Variants in TMEM63B observed in about 807,000 individuals in gnomAD.
TMEM63B encodes the protein transmembrane protein 63B, also known as mechanosensitive cation channel TMEM63B.
TMEM63B carries 23 observed loss-of-function variants against 102.6 expected under a neutral mutation model. The ratio of observed to expected loss-of-function variants is 0.22; its 90% CI spans 0.16 to 0.32. The LOEUF is 0.32. TMEM63B is among the 10% of genes least tolerant of loss of function. The pLI is 1.00. For missense variants in TMEM63B, 628 were observed against 1,095.9 expected (o/e 0.57, Z 6.03); for synonymous variants, 444 against 437.0 (o/e 1.02, Z -0.20).
rs141127279 is a variant in TMEM63B at position 44,150,511 on chromosome 6, G to A, written c.1608-53G>A. On this transcript the variant is annotated intron_variant, in intron 17 of 23. Coordinates refer to ENST00000323267, the MANE Select transcript of TMEM63B (RefSeq NM_018426.3). This position sits in a 1 kb window ranked among gnomAD's most constrained non-coding sequence, Gnocchi z 4.7. ...ACAGAGGAGGGACTTCCCCTCCCCTGGTGTTCTGTACCACTCCAGCTCCCA... is the reference window on the plus strand; with the variant it reads ...ACAGAGGAGGGACTTCCCCTCCCCTAGTGTTCTGTACCACTCCAGCTCCCA... 6.9e-5 allele frequency: 110 copies of A among 1,598,668 alleles called. 1 individual carries two copies. The East Asian group carries it at 2.4e-3, about 35-fold the overall frequency.
At chr6:44,136,483 C>G (rs201591306) in intron 5 of TMEM63B, 44 bp downstream of exon 5, 214 of 1,358,444 alleles carry the variant, frequency 1.6e-4, no homozygotes, top group Non-Finnish European at 1.9e-4. Flanking sequence ...CACCCCACCC[C>G]CAGGGCACAT....
chr6:44,149,019 A>G, intron 15 of TMEM63B, 74 bp downstream of exon 15: 1 of 1,608,164 alleles, frequency 6.2e-7, no homozygotes, highest in Non-Finnish European at 8.5e-7. Context: ...TCCCTCTTCC[A>G]CTTGCCCAGC....
chr6:44,136,836 C>G (rs9349273), intron 5 of TMEM63B, among the ~76,000 whole-genome samples: 68,835 of 152,178 alleles, frequency 0.45, 16,731 homozygotes, highest in East Asian at 0.76. Flanking sequence ...CACGAGGTCA[C>G]TAGATGAGAC....
chr6:44,140,627 T>C (rs1378367639), intron 9 of TMEM63B: 2 of 594,236 alleles, frequency 3.4e-6, no homozygotes, highest in Admixed American at 5.0e-5. Flanking sequence ...AAAATAGCAG[T>C]GGCTGATCCT....
At position 44,136,451 on chromosome 6, in the gene TMEM63B, C is replaced by A. The variant is rs758191592; in HGVS notation, c.369+12C>A. The A allele has an allele frequency of 1.9e-6, 3 of 1,597,108 alleles. No homozygotes were observed. Among genetic ancestry groups the A allele is most frequent in the African/African-American group, 1.3e-5 (1 of 74,466 alleles). On this transcript the variant is annotated intron_variant, in intron 5 of 23. Coordinates refer to ENST00000323267, the MANE Select transcript of TMEM63B (RefSeq NM_018426.3). ...ACCAAAGGGACAATGTGAGTGCCCT[C>A]CCCCCAAACTTCTTAGTCCCCCACC...
chr6:44,132,370 T>C, intron 1 of TMEM63B: 1 of 978,226 alleles, frequency 1.0e-6, no homozygotes, highest in Non-Finnish European at 1.2e-6. Flanking sequence ...CAAAATGCTC[T>C]ACCTTTCTTT....
chr6:44,140,199 C>CT (rs1763947510), intron 8 of TMEM63B, 53 bp from the exon 9 acceptor site: 7 of 1,430,152 alleles, frequency 4.9e-6, no homozygotes, highest in Non-Finnish European at 6.9e-6. Flanking sequence ...GGTGTCTCCT[C>CT]TGAGTGTGTC....
At chr6:44,128,104 C>G (rs1412743261) in intron 1 of TMEM63B, among the ~76,000 whole-genome samples, 1 of 152,162 alleles carries the variant, frequency 6.6e-6, no homozygotes, top group East Asian at 1.9e-4. Context: ...ACCCCGGGGT[C>G]GCCAAGTCCG....
chr6:44,153,837 C>T lies in TMEM63B; in HGVS notation c.2104C>T (p.Arg702Cys), dbSNP rs367749788. Residue 702 changes from arginine to cysteine, a missense_variant, in exon 21 of 24, where the codon CGC becomes TGC. By Grantham distance (180) the Arg-to-Cys change is radical. Coordinates refer to ENST00000323267, the MANE Select transcript of TMEM63B (RefSeq NM_018426.3). Reference protein sequence around the residue: ...LFWLLFFSTMRTGFLAPTSMF... With the variant: ...LFWLLFFSTMCTGFLAPTSMF... The stretch of plus-strand genomic sequence containing the variant: ...CTGGCTGCTCTTCTTTTCCACCATG[C>T]GCACGGGTGAGGGATCCCTACCCAG... 1.2e-6 allele frequency: 2 copies of T among 1,613,228 alleles called. No homozygotes were observed. Among genetic ancestry groups the T allele is most frequent in the Non-Finnish European group, 1.7e-6 (2 of 1,179,540 alleles).
At chr6:44,140,568 A>C (rs1037367807) in intron 9 of TMEM63B, 1 of 665,906 alleles carries the variant, frequency 1.5e-6, no homozygotes, top group Admixed American at 2.1e-5. Flanking sequence ...ACCTCCCCCA[A>C]GGTTGTGGGG....
intron 1 of TMEM63B, among the ~76,000 whole-genome samples, chr6:44,128,353 CTGCGTTGGAGGG>C (rs1346986017): frequency 2.6e-5 from 4 of 152,228 alleles, no homozygotes; most frequent in Admixed American, 1.3e-4. Flanking sequence ...CCGCCCGGGC[CTGCGTTGGAGGG>C]TGCGGTGGGG....
intron 21 of TMEM63B, 111 bp from the exon 22 acceptor site, chr6:44,153,962 G>A (rs1767407410): frequency 1.3e-6 from 2 of 1,559,346 alleles, no homozygotes; most frequent in Non-Finnish European, 8.7e-7. Flanking sequence ...GAGAGGCTGG[G>A]GCCAGTCTGT....
In TMEM63B at chr6:44,140,354, T is replaced by C. The variant is rs781486617; in HGVS notation, c.705T>C (p.Asp235=). Residue 235 remains aspartate (D), a synonymous_variant, in exon 9 of 24, where the codon GAT becomes GAC. Transcript: ENST00000323267. ...RHTSKMRYKE[D]DLVKRTLFIN... ...CCTCCAAGATGCGCTACAAGGAGGA[T>C]GATCTGGTGCGTGGAGCAGAGCCCA... is the stretch of plus-strand genomic sequence containing the variant. The C allele has an allele frequency of 3.7e-5, 60 of 1,613,194 alleles. No homozygotes were observed. The highest frequency in any genetic ancestry group is 4.6e-5 in the Non-Finnish European group (54 of 1,179,436).
At chr6:44,153,574 G>T in intron 20 of TMEM63B, 102 bp from the exon 21 acceptor site, 1 of 1,413,164 alleles carries the variant, frequency 7.1e-7, no homozygotes, top group Non-Finnish European at 9.5e-7. Context: ...GGAGGAGGGG[G>T]CCAACCCTTC....
rs151033766 is a variant in TMEM63B, at chr6:44,149,987, C to T, written c.1520+22C>T. On this transcript the variant is annotated intron_variant, in intron 16 of 23. Coordinates refer to ENST00000323267, the MANE Select transcript of TMEM63B (RefSeq NM_018426.3). ...CACGGTAAGGTGCCTCCACTCACAC[C>T]ACACCTCGCTGTGGCCTGCCCTCAA... is the stretch of plus-strand genomic sequence containing the variant. 280 of 1,602,818 alleles carry T rather than the reference C, an allele frequency of 1.7e-4. 2 individuals are homozygous for T. In the African/African-American group the frequency reaches 3.5e-3, roughly 20 times the overall value.
chr6:44,147,622 C>A, intron 12 of TMEM63B, 122 bp downstream of exon 12: 1 of 1,393,988 alleles, frequency 7.2e-7, no homozygotes, highest in Non-Finnish European at 9.7e-7. Context: ...TCAGTTCCCA[C>A]TGTTGGGTTT....
intron 10 of TMEM63B, 52 bp from the exon 11 acceptor site, chr6:44,146,793 CAG>C: frequency 1.3e-6 from 2 of 1,568,742 alleles, no homozygotes; most frequent in African/African-American, 1.4e-5. Context: ...GGATGAAAGT[CAG>C]GGGCAGGTGG....
upstream of TMEM63B, chr6:44,127,535 C>T (rs1429397218): frequency 7.1e-6 from 1 of 140,498 alleles, no homozygotes; most frequent in Non-Finnish European, 1.6e-5. Flanking sequence ...CCCCTCCCTC[C>T]CCCCGCTCCC....
intron 6 of TMEM63B, chr6:44,138,739 C>CCCCCCCCCCCA: frequency 2.5e-6 from 1 of 400,180 alleles, no homozygotes; most frequent in Non-Finnish European, 4.7e-6. Context: ...CCTGCCGGCC[C>CCCCCCCCCCCA]CCCCGCTTCT....
Sources: allele counts gnomAD v4.1 joint callset (sites outside exome capture counted in the v4.1 genomes callset), GRCh38; gene constraint gnomAD v4.1.1; non-coding constraint Gnocchi (gnomAD v3.1); transcripts MANE v1.5; gene names NCBI Gene and HGNC (gene_info 2026-07-23, HGNC 2026-07-21).